The following XKR4 variants were observed in gnomAD, a reference collection of about 807,000 sequenced individuals.
XKR4 encodes XK related 4.
In XKR4, 12 loss-of-function variants were observed where a neutral mutation model predicts 53.9. The observed-to-expected ratio is 0.22, with a 90% CI of 0.14 to 0.36. The LOEUF is 0.36. Among genes scored for constraint, XKR4 ranks in the 10% least tolerant of loss-of-function variants. The pLI, the probability that XKR4 is intolerant of heterozygous loss-of-function variation, is 1.00. For missense variants in XKR4, 799 were observed against 859.5 expected (o/e 0.93, Z 0.88); for synonymous variants, 354 against 362.4 (o/e 0.98, Z 0.26).
rs397973235 is a variant in XKR4, at chr8:55,435,552, CT to C, written c.1006+77686del. Among the ~76,000 whole-genome samples, 539 of 144,800 alleles carry C rather than the reference CT, an allele frequency of 3.7e-3. 1 individual carries two copies. The highest frequency in any genetic ancestry group is 7.1e-3 in the Middle Eastern group (2 of 282). 95.0% of individuals were successfully genotyped at this position (144,800 alleles called of 152,430 possible). A position where few individuals can be genotyped will look rare whatever the true frequency, so the allele number is the denominator to read the frequency against. On this transcript the variant is annotated intron_variant, in intron 2 of 2. Coordinates refer to ENST00000327381, the MANE Select transcript of XKR4 (RefSeq NM_052898.2). Reference sequence around the variant, plus strand: ...TACAGCTAGACCTAATAGGCAACCTCTTTTTTTTTTTATTTTTTTATTTTTT... The same window carrying C: ...TACAGCTAGACCTAATAGGCAACCTCTTTTTTTTTTATTTTTTTATTTTTT...
chr8:55,331,249 T>A (rs1803381193), intron 1 of XKR4, among the ~76,000 whole-genome samples: 1 of 152,210 alleles, frequency 6.6e-6, no homozygotes, highest in Non-Finnish European at 1.5e-5. Flanking sequence ...TTTCTACATA[T>A]TTGTGAATTT....
At chr8:55,119,914 G>T (rs1816368214) in intron 1 of XKR4, among the ~76,000 whole-genome samples, 1 of 152,180 alleles carries the variant, frequency 6.6e-6, no homozygotes, top group South Asian at 2.1e-4. Context: ...ACAGAGTTGG[G>T]AGCATGTTAA....
At chr8:55,436,308 A>C (rs1371997772) in intron 2 of XKR4, among the ~76,000 whole-genome samples, 4 of 152,218 alleles carry the variant, frequency 2.6e-5, no homozygotes, top group African/African-American at 9.6e-5. Flanking sequence ...TCATTACCAC[A>C]GTCAATTAAG....
intron 1 of XKR4, among the ~76,000 whole-genome samples, chr8:55,144,244 A>G (rs1290359813): frequency 6.6e-6 from 1 of 152,180 alleles, no homozygotes; most frequent in Non-Finnish European, 1.5e-5. Context: ...AGGCCAGATA[A>G]TGGCCTTTGC....
At chr8:55,246,880 G>A (rs184233952) in intron 1 of XKR4, among the ~76,000 whole-genome samples, 8 of 152,244 alleles carry the variant, frequency 5.3e-5, no homozygotes, top group East Asian at 1.9e-4. Context: ...CCAGAGAGTC[G>A]TGGAGATCCC....
At chr8:55,355,886 G>A (rs1466919333) in intron 1 of XKR4, among the ~76,000 whole-genome samples, 1 of 152,104 alleles carries the variant, frequency 6.6e-6, no homozygotes, top group Non-Finnish European at 1.5e-5. Flanking sequence ...GAGAATCTTT[G>A]CACTAGGTAA....
At position 55,408,951 on chromosome 8, in the gene XKR4, G is replaced by A. The variant is rs942512796; in HGVS notation, c.1006+51074G>A. On this transcript the variant is annotated intron_variant, in intron 2 of 2. Coordinates refer to ENST00000327381, the MANE Select transcript of XKR4 (RefSeq NM_052898.2). Reference sequence around the variant, plus strand: ...GAACCCGGGAAGCAGAGGTTGCAGTGAGCCGAGATCGTGCCACTGCACTCC... The same window carrying A: ...GAACCCGGGAAGCAGAGGTTGCAGTAAGCCGAGATCGTGCCACTGCACTCC... 2.1e-4 allele frequency among the ~76,000 whole-genome samples: 32 copies of A among 149,764 alleles called. 2 individuals are homozygous for A. Among genetic ancestry groups the A allele is most frequent in the African/African-American group, 8.0e-4 (32 of 40,178 alleles).
chr8:55,469,770 A>C (rs1043492748), intron 2 of XKR4, among the ~76,000 whole-genome samples: 1 of 152,108 alleles, frequency 6.6e-6, no homozygotes, highest in African/African-American at 2.4e-5. Context: ...ATAAGCTATG[A>C]GCTAACTAGG....
At chr8:55,435,206 G>A (rs903228161) in intron 2 of XKR4, among the ~76,000 whole-genome samples, 7 of 152,150 alleles carry the variant, frequency 4.6e-5, no homozygotes, top group African/African-American at 1.2e-4. Context: ...CATTCAGTCC[G>A]CTTATAGGGC....
chr8:55,446,098 C>T (rs1423551216), intron 2 of XKR4, among the ~76,000 whole-genome samples: 5 of 152,196 alleles, frequency 3.3e-5, no homozygotes, highest in Non-Finnish European at 1.5e-5. Flanking sequence ...CCTCCTGCCT[C>T]ACTCCACTCC....
At chr8:55,461,761 A>C (rs900286594) in intron 2 of XKR4, among the ~76,000 whole-genome samples, 3 of 152,222 alleles carry the variant, frequency 2.0e-5, no homozygotes, top group Non-Finnish European at 4.4e-5. Context: ...AGAATAACCA[A>C]TGCAGAGAAG....
chr8:55,318,402 C>T (rs1464230159), intron 1 of XKR4, among the ~76,000 whole-genome samples: 1 of 152,184 alleles, frequency 6.6e-6, no homozygotes, highest in Non-Finnish European at 1.5e-5. Flanking sequence ...CACCTACTAT[C>T]AACTAGAAGA....
chr8:55,157,886 A>G (rs943434277), intron 1 of XKR4, among the ~76,000 whole-genome samples: 2 of 152,140 alleles, frequency 1.3e-5, no homozygotes, highest in African/African-American at 2.4e-5. Context: ...GTAGTATTCC[A>G]TGGTGTCTAT....
chr8:55,494,312 G>T (rs77440313), intron 2 of XKR4, among the ~76,000 whole-genome samples: 81 of 152,272 alleles, frequency 5.3e-4, no homozygotes, highest in Non-Finnish European at 9.6e-4. Context: ...TCCAAAGAGG[G>T]AGTCACAGCC....
At chr8:55,284,926 A>G (rs1001708738) in intron 1 of XKR4, among the ~76,000 whole-genome samples, 5 of 151,974 alleles carry the variant, frequency 3.3e-5, no homozygotes, top group Non-Finnish European at 7.4e-5. Context: ...AAAACCTAGA[A>G]CCCTACCCTC....
At chr8:55,262,697 C>T (rs61213579) in intron 1 of XKR4, among the ~76,000 whole-genome samples, 35,882 of 152,088 alleles carry the variant, frequency 0.24, 4,691 homozygotes, top group East Asian at 0.49. Flanking sequence ...GAGAGGTAAA[C>T]GTCTCTTGTT....
At chr8:55,250,599 C>A (rs1011135749) in intron 1 of XKR4, among the ~76,000 whole-genome samples, 1 of 152,166 alleles carries the variant, frequency 6.6e-6, no homozygotes, top group African/African-American at 2.4e-5. Context: ...TACATCCTAC[C>A]TGGCCTAACT....
At chr8:55,186,804 A>C (rs1817384779) in intron 1 of XKR4, among the ~76,000 whole-genome samples, 1 of 152,176 alleles carries the variant, frequency 6.6e-6, no homozygotes, top group Non-Finnish European at 1.5e-5. Context: ...CTTGAAGGAA[A>C]ATATGATCCC....
chr8:55,320,162 C>T (rs1803184885), intron 1 of XKR4, among the ~76,000 whole-genome samples: 1 of 152,152 alleles, frequency 6.6e-6, no homozygotes. Context: ...CTGTATTGAT[C>T]TGAAAAACAG....
Sources: allele counts gnomAD v4.1 joint callset (sites outside exome capture counted in the v4.1 genomes callset), GRCh38; gene constraint gnomAD v4.1.1; transcripts MANE v1.5; gene names NCBI Gene and HGNC (gene_info 2026-07-23, HGNC 2026-07-21).